HTR1F: variants seen among roughly 807,000 people sequenced by gnomAD.
The protein encoded by HTR1F is 5-hydroxytryptamine receptor 1F.
In HTR1F, 17 loss-of-function variants were observed where a neutral mutation model predicts 24.0. The observed-to-expected ratio is 0.71, with a 90% CI of 0.48 to 1.06. The LOEUF (loss-of-function observed/expected upper bound fraction) is 1.06. Ranked by LOEUF, HTR1F falls within the 50% of genes least tolerant of loss-of-function variation. The pLI, the probability that HTR1F is intolerant of heterozygous loss-of-function variation, is 0.00. For synonymous variants in HTR1F, 186 were observed against 156.8 expected, an observed-to-expected ratio of 1.19 and a Z score of -1.39; for missense variants, 391 against 427.8, an observed-to-expected ratio of 0.91 and a Z score of 0.76.
At chr3:87,807,662 T>C (rs1210606777) in intron 1 of HTR1F, among the ~76,000 whole-genome samples, 1 of 151,994 alleles carries the variant, frequency 6.6e-6, no homozygotes, top group Non-Finnish European at 1.5e-5. Context: ...ATATACTAAA[T>C]AGGAGTGGGG....
chr3:87,902,143 C>A (rs1245770081), intron 2 of HTR1F, among the ~76,000 whole-genome samples: 1 of 151,852 alleles, frequency 6.6e-6, no homozygotes, highest in African/African-American at 2.4e-5. Context: ...ACAATAAAAA[C>A]CAGACATCTT....
intron 2 of HTR1F, among the ~76,000 whole-genome samples, chr3:87,872,562 C>T (rs965820683): frequency 2.0e-5 from 3 of 151,158 alleles, no homozygotes; most frequent in African/African-American, 4.9e-5. Context: ...TAACAAAAAC[C>T]GAATAATAAA....
chr3:87,835,324 A>G (rs761710960), intron 2 of HTR1F, among the ~76,000 whole-genome samples: 4 of 150,098 alleles, frequency 2.7e-5, no homozygotes, highest in African/African-American at 7.4e-5. Flanking sequence ...GGATCTAAAT[A>G]TGGAGATGGC....
chr3:87,808,026 A>C (rs1404828071), intron 1 of HTR1F, among the ~76,000 whole-genome samples: 1 of 151,540 alleles, frequency 6.6e-6, no homozygotes, highest in Non-Finnish European at 1.5e-5. Context: ...GTTTGCTAGT[A>C]TTTTTTTGAG....
At chr3:87,915,723 C>A (rs981509454) in intron 2 of HTR1F, among the ~76,000 whole-genome samples, 1 of 151,956 alleles carries the variant, frequency 6.6e-6, no homozygotes, top group African/African-American at 2.4e-5. Flanking sequence ...AACAATCAAA[C>A]CTAAGAATAA....
At chr3:87,852,382 T>C (rs1575946848) in intron 2 of HTR1F, among the ~76,000 whole-genome samples, 1 of 151,786 alleles carries the variant, frequency 6.6e-6, no homozygotes, top group East Asian at 1.9e-4. Context: ...GTAGCCTCCA[T>C]GGCTTATTTC....
chr3:87,935,797 AAG>A (rs1378529140), intron 2 of HTR1F, among the ~76,000 whole-genome samples: 2 of 152,048 alleles, frequency 1.3e-5, no homozygotes, highest in Admixed American at 6.6e-5. Flanking sequence ...GCTTTGGAAA[AAG>A]AAATTATTTC....
chr3:87,905,462 A>G (rs1204325453), intron 2 of HTR1F, among the ~76,000 whole-genome samples: 2 of 152,000 alleles, frequency 1.3e-5, no homozygotes, highest in Non-Finnish European at 2.9e-5. Context: ...AAATGTATAC[A>G]TTTTCTTTTT....
At chr3:87,953,575 ATGT>A in intron 2 of HTR1F, among the ~76,000 whole-genome samples, 1 of 151,880 alleles carries the variant, frequency 6.6e-6, no homozygotes, top group African/African-American at 2.4e-5. Context: ...GCATACTTAT[ATGT>A]TGTTGGTGGG....
chr3:87,874,909 T>A (rs1390015418), intron 2 of HTR1F, among the ~76,000 whole-genome samples: 1 of 152,136 alleles, frequency 6.6e-6, no homozygotes. Flanking sequence ...CAACAAATGA[T>A]GTTGCAAAAA....
chr3:87,899,674 C>A (rs1414302011), intron 2 of HTR1F, among the ~76,000 whole-genome samples: 2 of 151,996 alleles, frequency 1.3e-5, no homozygotes, highest in African/African-American at 4.8e-5. Context: ...ACCAGACTGG[C>A]CAACATAGTG....
chr3:87,965,527 C>T (rs1705146364), intron 2 of HTR1F, among the ~76,000 whole-genome samples: 1 of 152,062 alleles, frequency 6.6e-6, no homozygotes, highest in African/African-American at 2.4e-5. Context: ...ACATCATTTC[C>T]TTTTGGACCT....
At chr3:87,823,742 G>C (rs890957164) in intron 2 of HTR1F, among the ~76,000 whole-genome samples, 1 of 151,782 alleles carries the variant, frequency 6.6e-6, no homozygotes, top group Admixed American at 6.6e-5. Context: ...GCCTCCCAAA[G>C]TGCTGGGATT....
intron 2 of HTR1F, among the ~76,000 whole-genome samples, chr3:87,857,522 AAAG>A (rs1450957312): frequency 6.6e-6 from 1 of 152,202 alleles, no homozygotes; most frequent in Admixed American, 6.6e-5. Flanking sequence ...AGCTCATTTT[AAAG>A]AAGATATTTT....
intron 2 of HTR1F, among the ~76,000 whole-genome samples, chr3:87,936,137 A>C (rs922122439): frequency 6.6e-6 from 1 of 152,232 alleles, no homozygotes; most frequent in Non-Finnish European, 1.5e-5. Flanking sequence ...GGCGTGAGCC[A>C]CTGCACCTAG....
At chr3:87,899,553 A>C (rs775912252) in intron 2 of HTR1F, among the ~76,000 whole-genome samples, 1 of 152,154 alleles carries the variant, frequency 6.6e-6, no homozygotes, top group Non-Finnish European at 1.5e-5. Flanking sequence ...AAATAGCCTA[A>C]TATAATTATT....
chr3:87,934,784 A>G (rs1361050928), intron 2 of HTR1F, among the ~76,000 whole-genome samples: 5 of 152,316 alleles, frequency 3.3e-5, no homozygotes, highest in Non-Finnish European at 7.4e-5. Context: ...AGGGAAGCTA[A>G]GCAATTTACC....
chr3:87,978,258 A>T (rs1349649849), intron 2 of HTR1F, among the ~76,000 whole-genome samples: 1 of 151,826 alleles, frequency 6.6e-6, no homozygotes. Flanking sequence ...CGAGTGCACC[A>T]CTCCCTGAGC....
chr3:87,801,578 A>C (rs1703990413), intron 1 of HTR1F, among the ~76,000 whole-genome samples: 1 of 152,192 alleles, frequency 6.6e-6, no homozygotes, highest in Non-Finnish European at 1.5e-5. Flanking sequence ...ATCTTGAAGC[A>C]AGGGCAGGAG....
Sources: gnomAD v4.1 joint callset for allele counts (sites outside exome capture counted in the v4.1 genomes callset) on GRCh38, gnomAD v4.1.1 for gene constraint, MANE v1.5 for transcripts, NCBI Gene and HGNC (gene_info 2026-07-23, HGNC 2026-07-21) for gene names.